JAKMIP2: variants seen among roughly 807,000 people sequenced by gnomAD.
The protein encoded by JAKMIP2 is janus kinase and microtubule interacting protein 2, also known as janus kinase and microtubule-interacting protein 2.
Under a neutral mutation model 115.0 loss-of-function variants are expected in JAKMIP2, and 25 were observed. That is an observed-to-expected ratio of 0.22 (90% CI 0.16 to 0.30). The LOEUF is 0.30. JAKMIP2 is among the 10% of genes least tolerant of loss of function. The pLI, the probability that JAKMIP2 is intolerant of heterozygous loss-of-function variation, is 1.00. For synonymous variants in JAKMIP2, 334 were observed against 343.6 expected (o/e 0.97, Z 0.31); for missense variants, 642 against 957.6 (o/e 0.67, Z 4.35).
At chr5:147,640,923 A>T (rs1757853322) in intron 8 of JAKMIP2, 100 bp from the exon 9 acceptor site, 1 of 986,008 alleles carries the variant, frequency 1.0e-6, no homozygotes, top group African/African-American at 1.7e-5. Context: ...TGAATATAGA[A>T]GACATGGATC....
At chr5:147,597,334 T>A (rs1755448993) in intron 21 of JAKMIP2, among the ~76,000 whole-genome samples, 1 of 152,224 alleles carries the variant, frequency 6.6e-6, no homozygotes, top group African/African-American at 2.4e-5. Flanking sequence ...AACAATAACA[T>A]AGTATTATGT....
At chr5:147,683,007 A>AT (rs1181560926) in intron 1 of JAKMIP2, among the ~76,000 whole-genome samples, 4 of 152,102 alleles carry the variant, frequency 2.6e-5, no homozygotes, top group Non-Finnish European at 2.9e-5. Context: ...ATTTTATTGT[A>AT]TTTTTTCTCT....
At chr5:147,595,418 G>C in intron 21 of JAKMIP2, 1 of 456,812 alleles carries the variant, frequency 2.2e-6, no homozygotes, top group South Asian at 1.5e-5. Flanking sequence ...TCTGTCCTGT[G>C]ACACAGCTTT....
At position 147,697,280 on chromosome 5, in the gene JAKMIP2, A is replaced by G. The variant is rs891946748; in HGVS notation, c.-148-25326T>C. Among the ~76,000 whole-genome samples the G allele has an allele frequency of 5.9e-5, 9 of 152,184 alleles. No individual in the cohort carries two copies. In the South Asian group the frequency reaches 1.5e-3, roughly 25 times the overall value. Reference sequence around the variant, plus strand: ...AAGCAAAAGTGGAAACCCCTGATAAACTCAGCAGATCTCATGAGACTTATT... The same window carrying G: ...AAGCAAAAGTGGAAACCCCTGATAAGCTCAGCAGATCTCATGAGACTTATT... On this transcript the variant is annotated intron_variant, in intron 1 of 21. Transcript: ENST00000616793.
At chr5:147,608,152 G>T (rs188691958) in intron 20 of JAKMIP2, among the ~76,000 whole-genome samples, 2 of 152,156 alleles carry the variant, frequency 1.3e-5, no homozygotes, top group East Asian at 1.9e-4. Flanking sequence ...TTTTTGAAGG[G>T]TTTTTCGTGT....
intron 1 of JAKMIP2, among the ~76,000 whole-genome samples, chr5:147,769,837 G>A (rs79922890): frequency 0.016 from 2,465 of 151,960 alleles, 76 homozygotes; most frequent in African/African-American, 0.055. Context: ...TGACCCAGGT[G>A]GAGCAAAACT....
intron 1 of JAKMIP2, among the ~76,000 whole-genome samples, chr5:147,779,971 G>C (rs995548007): frequency 6.6e-6 from 1 of 152,120 alleles, no homozygotes; most frequent in African/African-American, 2.4e-5. Flanking sequence ...TCCTCATAAA[G>C]TTGAAGCCCA....
chr5:147,764,520 C>T (rs989229539), intron 1 of JAKMIP2, among the ~76,000 whole-genome samples: 1 of 151,638 alleles, frequency 6.6e-6, no homozygotes, highest in Non-Finnish European at 1.5e-5. Context: ...AGCAAAGACA[C>T]AAAAAATGGT....
intron 21 of JAKMIP2, among the ~76,000 whole-genome samples, chr5:147,594,666 G>A (rs1387821409): frequency 2.0e-5 from 3 of 152,010 alleles, no homozygotes; most frequent in Non-Finnish European, 2.9e-5. Flanking sequence ...CGGTGATGTG[G>A]CTTCTGACTT....
At chr5:147,740,446 G>A (rs188695324) in intron 1 of JAKMIP2, among the ~76,000 whole-genome samples, 6 of 152,296 alleles carry the variant, frequency 3.9e-5, no homozygotes, top group Admixed American at 3.9e-4. Context: ...TGTTTCTAAA[G>A]GACAACCTGA....
chr5:147,756,516 T>C lies in JAKMIP2; in HGVS notation c.-149+25940A>G, dbSNP rs1049866710. The stretch of plus-strand genomic sequence containing the variant: ...TGATGTGTTGTATTTATATTTCTTT[T>C]TGTTTGAGGAATTCAAAAAGCTTTA... On this transcript the variant is annotated intron_variant, in intron 1 of 21. Transcript: ENST00000616793. Among the ~76,000 whole-genome samples the C allele has an allele frequency of 1.6e-4, 25 of 152,332 alleles. 1 individual carries two copies. The highest frequency in any genetic ancestry group is 6.0e-4 in the African/African-American group (25 of 41,580).
At chr5:147,615,336 A>C (rs544568831) in intron 19 of JAKMIP2, among the ~76,000 whole-genome samples, 11 of 152,298 alleles carry the variant, frequency 7.2e-5, no homozygotes, top group Admixed American at 3.9e-4. Context: ...GGATCAATGC[A>C]ATGGAAACTA....
At chr5:147,648,565 C>T in intron 4 of JAKMIP2, 91 bp from the exon 5 acceptor site, 1 of 722,064 alleles carries the variant, frequency 1.4e-6, no homozygotes, top group Non-Finnish European at 2.5e-6. Context: ...GTAATAGGCT[C>T]AGTTCTCTTA....
At chr5:147,657,205 G>A (rs972765925) in intron 3 of JAKMIP2, among the ~76,000 whole-genome samples, 48 of 150,204 alleles carry the variant, frequency 3.2e-4, no homozygotes, top group Middle Eastern at 3.4e-3. Context: ...GCATGAACCC[G>A]GGAGGCGGAG....
intron 1 of JAKMIP2, among the ~76,000 whole-genome samples, chr5:147,678,169 A>G (rs1381050746): frequency 6.6e-6 from 1 of 151,978 alleles, no homozygotes; most frequent in Non-Finnish European, 1.5e-5. Context: ...ACTCTCGGCT[A>G]ATTTTTGTAT....
chr5:147,612,411 G>A (rs559208371), intron 19 of JAKMIP2, 40 bp from the exon 20 acceptor site: 1 of 1,227,792 alleles, frequency 8.1e-7, no homozygotes, highest in Non-Finnish European at 1.2e-6. Context: ...ATCAGTAGGT[G>A]GTAAGTTGTG....
intron 1 of JAKMIP2, among the ~76,000 whole-genome samples, chr5:147,691,508 C>G (rs141068366): frequency 1.3e-5 from 2 of 152,336 alleles, no homozygotes; most frequent in African/African-American, 4.8e-5. Context: ...AGACGCTATA[C>G]TCACCTCACC....
chr5:147,648,461 T>G lies in JAKMIP2; in HGVS notation c.851A>C (p.Asn284Thr). The change falls in exon 5 of 22, where the codon AAT becomes ACT. Residue 284 changes from asparagine (N) to threonine (T), a missense_variant. This residue lies in a region of JAKMIP2 where 439 missense variants were observed against 570.9 expected (regional missense o/e 0.77). Coordinates refer to ENST00000616793, the MANE Select transcript of JAKMIP2 (RefSeq NM_001270941.2). ...ATTCAATTCAGCTATTCTCTTTTGA[T>G]TTCTTCGCAAATCCTACAAAGAAAA... ...EHCSSPDLRRNQKRIAELNAT... is the reference protein window; with the variant it reads ...EHCSSPDLRRTQKRIAELNAT... 3.1e-6 allele frequency: 5 copies of G among 1,595,754 alleles called. No individual in the cohort carries two copies. Among genetic ancestry groups the G allele is most frequent in the Non-Finnish European group, 4.3e-6 (5 of 1,164,526 alleles).
intron 1 of JAKMIP2, among the ~76,000 whole-genome samples, chr5:147,755,842 T>C (rs1754725339): frequency 6.6e-6 from 1 of 152,098 alleles, no homozygotes; most frequent in Admixed American, 6.6e-5. Flanking sequence ...AACTAGTCCA[T>C]ACACAAATAA....
Sources: allele counts gnomAD v4.1 joint callset (sites outside exome capture counted in the v4.1 genomes callset), GRCh38; gene constraint gnomAD v4.1.1; regional missense constraint gnomAD v4.1.1; transcripts MANE v1.5; gene names NCBI Gene and HGNC (gene_info 2026-07-23, HGNC 2026-07-21).